Variants in EXOC7 observed in about 807,000 individuals in gnomAD.
The protein encoded by EXOC7 is exocyst complex component 7, also known as exocyst complex component Exo70.
Under a neutral mutation model 87.6 loss-of-function variants are expected in EXOC7, and 51 were observed. The observed-to-expected ratio is 0.58, with a 90% confidence interval of 0.46 to 0.73. The LOEUF (loss-of-function observed/expected upper bound fraction) is 0.73. EXOC7 is among the 30% of genes least tolerant of loss of function. EXOC7 has a pLI of 0.00. For synonymous variants in EXOC7, 327 were observed against 357.1 expected (o/e 0.92, Z 0.95); for missense variants, 744 against 888.4 (o/e 0.84, Z 2.07).
At position 76,081,999 on chromosome 17, in the gene EXOC7, CGA is replaced by C. The variant is rs2067002828; in HGVS notation, c.*1647_*1648del. On this transcript the variant is annotated 3_prime_UTR_variant, in exon 19 of 19. Transcript: ENST00000589210. ...GCCAAGAGCGGCCCCAGCCCAGCCC[CGA>C]GAGGGGAACAGCGAGAGCACGGCAA... The C allele has an allele frequency of 6.2e-7, 1 of 1,611,848 alleles. No homozygotes were observed. Among genetic ancestry groups the C allele is most frequent in the Non-Finnish European group, 8.5e-7 (1 of 1,179,568 alleles).
At chr17:76,094,180 C>T (rs2250054) in intron 6 of EXOC7, 220,588 of 467,202 alleles carry the variant, frequency 0.47, 53,680 homozygotes, top group South Asian at 0.65. Flanking sequence ...TACTCCCCTA[C>T]TCCAAAGAAG....
intron 4 of EXOC7, 194 bp downstream of exon 4, chr17:76,101,077 T>TA (rs2068035845): frequency 5.5e-6 from 6 of 1,082,396 alleles, no homozygotes; most frequent in Non-Finnish European, 7.1e-6. Flanking sequence ...TAACAAGTTT[T>TA]ATAATAAAGA....
At position 76,081,825 on chromosome 17, in the gene EXOC7, G is replaced by A; in HGVS notation, c.*1823C>T. 6.2e-7 allele frequency: 1 copy of A among 1,610,402 alleles called. No homozygotes were observed. The highest frequency in any genetic ancestry group is 8.5e-7 in the Non-Finnish European group (1 of 1,177,406). ...CACCCACTGGTGCTCAGCTCGCTGG[G>A]CACCAGAGACACAGGGACTGGCCCC... On this transcript the variant is annotated 3_prime_UTR_variant, in exon 19 of 19. Coordinates refer to ENST00000589210, the MANE Select transcript of EXOC7 (RefSeq NM_001013839.4).
chr17:76,082,358 C>A lies in EXOC7; in HGVS notation c.*1290G>T. 1 of 1,241,618 alleles carries A rather than the reference C, an allele frequency of 8.1e-7. No individual in the cohort carries two copies. The highest frequency in any genetic ancestry group is 2.4e-5 in the Admixed American group (1 of 41,156). The allele number at this position is 1,241,618 out of a possible 1,614,324, so 76.9% of individuals were successfully genotyped here. On this transcript the variant is annotated 3_prime_UTR_variant, in exon 19 of 19. Coordinates refer to ENST00000589210, the MANE Select transcript of EXOC7 (RefSeq NM_001013839.4). Reference sequence around the variant, plus strand: ...ACCCAAATTTTCATCAGCTGAGAATCTAAGAAAGGAAGCGATACAGGCTGA... The same window carrying A: ...ACCCAAATTTTCATCAGCTGAGAATATAAGAAAGGAAGCGATACAGGCTGA...
rs564691005 is a variant in EXOC7, at chr17:76,100,980, AAAC to A, written c.417+288_417+290del. 3.9e-3 allele frequency: 1,326 copies of A among 342,938 alleles called. 1 individual carries two copies. Among genetic ancestry groups the A allele is most frequent in the Middle Eastern group, 7.7e-3 (6 of 778 alleles). The allele number at this position is 342,938 out of a possible 1,614,324, so 21.2% of individuals were successfully genotyped here. A position where few individuals can be genotyped will look rare whatever the true frequency, so the allele number is the denominator to read the frequency against. ...CAGAGCAAGACTCTGTCTCAGGAAA[AAAC>A]AACAACAACAACAACAACAACAACA... On this transcript the variant is annotated intron_variant, in intron 4 of 18. Coordinates refer to ENST00000589210, the MANE Select transcript of EXOC7 (RefSeq NM_001013839.4).
At position 76,082,261 on chromosome 17, in the gene EXOC7, C is replaced by T. The variant is rs1048063528; in HGVS notation, c.*1387G>A. 13 of 768,820 alleles carry T rather than the reference C, an allele frequency of 1.7e-5. No individual in the cohort carries two copies. Among genetic ancestry groups the T allele is most frequent in the African/African-American group, 1.6e-4 (9 of 57,060 alleles). 47.6% of individuals were successfully genotyped at this position (768,820 alleles called of 1,614,324 possible). On this transcript the variant is annotated 3_prime_UTR_variant, in exon 19 of 19. Transcript: ENST00000589210. ...CCCTGAAGTCCCAGGTGACCTCAATCCCCTGATAACCCATGCCTTGCACAG... is the reference window on the plus strand; with the variant it reads ...CCCTGAAGTCCCAGGTGACCTCAATTCCCTGATAACCCATGCCTTGCACAG...
intron 2 of EXOC7, among the ~76,000 whole-genome samples, chr17:76,102,256 C>CCT (rs1400957517): frequency 6.6e-6 from 1 of 152,070 alleles, no homozygotes; most frequent in Non-Finnish European, 1.5e-5. Flanking sequence ...TCTTCAAAAC[C>CCT]CTCTCTAAGG....
intron 13 of EXOC7, 32 bp from the exon 14 acceptor site, chr17:76,085,829 A>G (rs1372252830): frequency 3.8e-6 from 6 of 1,583,714 alleles, no homozygotes; most frequent in Middle Eastern, 1.7e-4. Flanking sequence ...CACACCCACC[A>G]TGGCAGTCTG....
chr17:76,090,672 A>T (rs2067438262), intron 7 of EXOC7: 1 of 609,646 alleles, frequency 1.6e-6, no homozygotes, highest in Non-Finnish European at 2.9e-6. Flanking sequence ...AGAAGGACCA[A>T]GGAGGGGCTG....
chr17:76,090,379 C>A (rs911250370), intron 7 of EXOC7: 5 of 1,551,724 alleles, frequency 3.2e-6, no homozygotes, highest in East Asian at 4.9e-5. Context: ...GTGCTTAACT[C>A]GGAAATCATG....
intron 4 of EXOC7, among the ~76,000 whole-genome samples, chr17:76,098,993 T>G (rs1343314457): frequency 1.3e-5 from 2 of 152,308 alleles, no homozygotes; most frequent in East Asian, 3.9e-4. Context: ...TGAAAACTTT[T>G]GTGCTGCAAA....
rs1489831899 is a variant in EXOC7, at chr17:76,103,720, C to A, written c.-28G>T. ...CTCTGAACCCCGCGGCTCCCACTCC[C>A]CAGTATCTTTCCTCCGCGGGCCCAC... is the stretch of plus-strand genomic sequence containing the variant. On this transcript the variant is annotated 5_prime_UTR_variant, in exon 1 of 19. Coordinates refer to ENST00000589210, the MANE Select transcript of EXOC7 (RefSeq NM_001013839.4). 1.9e-6 allele frequency: 3 copies of A among 1,589,158 alleles called. No individual in the cohort carries two copies. The highest frequency in any genetic ancestry group is 2.3e-5 in the East Asian group (1 of 42,944).
intron 6 of EXOC7, chr17:76,094,176 C>T: frequency 2.1e-6 from 1 of 469,166 alleles, no homozygotes; most frequent in Non-Finnish European, 3.8e-6. Flanking sequence ...GTGTTACTCC[C>T]CTACTCCAAA....
Position 76,083,668 on chromosome 17 carries a change from G to C in EXOC7, c.2035C>G (p.Leu679Val), listed in dbSNP as rs1451720522. ...CAGGCTCAGGCAGAGGTGTCGAAAA[G>C]GCGATCGATCATGTCGCCCACCTGC... ...VEQVGDMIDR[L>V]FDTSA The change falls in exon 19 of 19, where the codon CTT (leucine) becomes GTT (valine). Residue 679 changes from leucine (L) to valine (V), a missense_variant. Transcript: ENST00000589210. 2.5e-6 allele frequency: 4 copies of C among 1,613,906 alleles called. No homozygotes were observed. In the South Asian group the frequency reaches 4.4e-5, roughly 18 times the overall value.
chr17:76,089,601 A>G (rs2067383465), intron 7 of EXOC7: 1 of 497,418 alleles, frequency 2.0e-6, no homozygotes. Flanking sequence ...ATGGAAAGAT[A>G]AGGAGGGAAG....
chr17:76,088,074 C>T lies in EXOC7; in HGVS notation c.1348G>A (p.Glu450Lys). ...GCAGCACCCACATTGCTGGTGAGCT[C>T]GTGTACGGTGCCGTCCTTCGGCATG... is the stretch of plus-strand genomic sequence containing the variant. Reference protein sequence around the residue: ...YNMPKDGTVHELTSNAILFLQ... With the variant: ...YNMPKDGTVHKLTSNAILFLQ... Residue 450 changes from glutamate to lysine, a missense_variant, in exon 11 of 19, where the codon GAG becomes AAG. Glu to Lys is a moderately conservative substitution (Grantham distance 56). Coordinates refer to ENST00000589210, the MANE Select transcript of EXOC7 (RefSeq NM_001013839.4). The T allele has an allele frequency of 6.2e-7, 1 of 1,614,056 alleles. No homozygotes were observed.
At chr17:76,084,964 G>A (rs921649099) in intron 15 of EXOC7, 7 of 446,334 alleles carry the variant, frequency 1.6e-5, no homozygotes, top group South Asian at 1.1e-4. Flanking sequence ...GAGAAGCAGC[G>A]GGATCCTCAC....
chr17:76,084,361 A>C (rs767162792), intron 16 of EXOC7, 72 bp from the exon 17 acceptor site: 15 of 1,607,506 alleles, frequency 9.3e-6, no homozygotes, highest in Non-Finnish European at 1.3e-5. Flanking sequence ...TCTTCCCCAA[A>C]CACCCTTGGT....
intron 4 of EXOC7, among the ~76,000 whole-genome samples, chr17:76,100,172 T>C (rs2067989128): frequency 6.7e-6 from 1 of 150,342 alleles, no homozygotes; most frequent in African/African-American, 2.4e-5. Context: ...AAACAGAAAG[T>C]GGAATGGTGG....
Sources: gnomAD v4.1 joint callset for allele counts (sites outside exome capture counted in the v4.1 genomes callset) on GRCh38, gnomAD v4.1.1 for gene constraint, MANE v1.5 for transcripts, NCBI Gene and HGNC (gene_info 2026-07-23, HGNC 2026-07-21) for gene names.